RILPL1: variants seen among roughly 807,000 people sequenced by gnomAD.
RILPL1 encodes RILP-like protein 1.
In RILPL1, 33 loss-of-function variants were observed where a neutral mutation model predicts 50.3. That is an observed-to-expected ratio of 0.66 (90% confidence interval 0.50 to 0.88). The LOEUF is 0.88. Among genes scored for constraint, RILPL1 ranks in the 40% least tolerant of loss-of-function variants. The pLI, the probability that RILPL1 is intolerant of heterozygous loss-of-function variation, is 0.00. For missense variants in RILPL1, 418 were observed against 542.5 expected (o/e 0.77, Z 2.28); for synonymous variants, 205 against 228.6 (o/e 0.90, Z 0.93).
At position 123,491,706 on chromosome 12, in the gene RILPL1, C is replaced by T. The variant is rs1398000755; in HGVS notation, c.802-5901G>A. On this transcript the variant is annotated intron_variant, in intron 4 of 6. Coordinates refer to ENST00000376874, the MANE Select transcript of RILPL1 (RefSeq NM_178314.5). This position sits in a 1 kb window ranked among gnomAD's most constrained non-coding sequence, Gnocchi z 4.0. ...GCACTTTACAAAACAAAAACAAAAC[C>T]TGCTACGAAATCAAAACGTGTGGCT... Among the ~76,000 whole-genome samples the T allele has an allele frequency of 6.6e-6, 1 of 152,156 alleles. No homozygotes were observed. The highest frequency in any genetic ancestry group is 1.5e-5 in the Non-Finnish European group (1 of 68,032).
At chr12:123,507,953 GAAA>G (rs56309765) in intron 2 of RILPL1, among the ~76,000 whole-genome samples, 1 of 115,012 alleles carries the variant, frequency 8.7e-6, no homozygotes, top group East Asian at 2.5e-4. Context: ...AAAAAAAAAA[GAAA>G]AAAAAAAAAA....
rs752364537 is a variant in RILPL1 at position 123,484,262 on chromosome 12, C to G, written c.985G>C (p.Glu329Gln). ...GGTTGGGGTATTCGGTTTTCCTCTTCCATTTCTTCACTGGAAGGAGATGAG... is the reference window on the plus strand; with the variant it reads ...GGTTGGGGTATTCGGTTTTCCTCTTGCATTTCTTCACTGGAAGGAGATGAG... ...ELAYYKSEEM[E>Q]EENRIPQPPP... The change falls in exon 6 of 7, where the codon GAA becomes CAA. Residue 329 changes from glutamate to glutamine, a missense_variant. Physicochemically the swap from Glu to Gln is conservative, Grantham distance 29. Transcript: ENST00000376874. 1 of 1,607,360 alleles carries G rather than the reference C, an allele frequency of 6.2e-7. No individual in the cohort carries two copies. Among genetic ancestry groups the G allele is most frequent in the South Asian group, 1.1e-5 (1 of 90,936 alleles).
At chr12:123,505,619 T>C (rs1198130178) in intron 2 of RILPL1, among the ~76,000 whole-genome samples, 1 of 151,728 alleles carries the variant, frequency 6.6e-6, no homozygotes, top group African/African-American at 2.4e-5. Flanking sequence ...TGCCCGGCCA[T>C]CGAGTTTTTG....
In RILPL1 at chr12:123,533,226, C is replaced by T; in HGVS notation, c.257G>A (p.Arg86His). 6.3e-7 allele frequency: 1 copy of T among 1,592,054 alleles called. No individual in the cohort carries two copies. Among genetic ancestry groups the T allele is most frequent in the Non-Finnish European group, 8.5e-7 (1 of 1,175,384 alleles). ...ELDELRLELD[R>H]LRLERMDRIE... ...GCGGTCCATCCTCTCCAGGCGCAGG[C>T]GGTCCAGCTCCAGGCGCAGCTCGTC... Residue 86 changes from arginine to histidine, a missense_variant, in exon 1 of 7, where the codon CGC becomes CAC. By Grantham distance (29) the Arg-to-His change is conservative. Coordinates refer to ENST00000376874, the MANE Select transcript of RILPL1 (RefSeq NM_178314.5). This position sits in a 1 kb window ranked among gnomAD's most constrained non-coding sequence, Gnocchi z 6.2.
chr12:123,519,026 C>T (rs2139378184), intron 2 of RILPL1, among the ~76,000 whole-genome samples: 1 of 138,592 alleles, frequency 7.2e-6, no homozygotes, highest in South Asian at 2.2e-4. Context: ...CACTGCACTC[C>T]AGCCTAGGCG....
At chr12:123,511,626 G>GTGGT (rs1477383566) in intron 2 of RILPL1, among the ~76,000 whole-genome samples, 1 of 140,094 alleles carries the variant, frequency 7.1e-6, no homozygotes, top group African/African-American at 2.7e-5. Context: ...GTCTGTGTGT[G>GTGGT]GTGTGTGAGG....
At chr12:123,511,832 A>G (rs1379619449) in intron 2 of RILPL1, among the ~76,000 whole-genome samples, 3 of 59,158 alleles carry the variant, frequency 5.1e-5, no homozygotes, top group African/African-American at 1.5e-4. Context: ...TGTGTGTGAG[A>G]TCTGTATGTG....
intron 2 of RILPL1, among the ~76,000 whole-genome samples, chr12:123,500,875 C>T (rs1393907079): frequency 6.6e-6 from 1 of 151,454 alleles, no homozygotes; most frequent in Non-Finnish European, 1.5e-5. Flanking sequence ...GAGGCTGAGG[C>T]GGTTGGATCA....
rs1224546810 is a variant in RILPL1 at position 123,489,253 on chromosome 12, G to T, written c.802-3448C>A. ...ATAGAAGCTTAAGGCCAGGTGTGGTGGCTCACACCTGTAATCCCAGTACTT... is the reference window on the plus strand; with the variant it reads ...ATAGAAGCTTAAGGCCAGGTGTGGTTGCTCACACCTGTAATCCCAGTACTT... On this transcript the variant is annotated intron_variant, in intron 4 of 6. Transcript: ENST00000376874. This position sits in a 1 kb window ranked among gnomAD's most constrained non-coding sequence, Gnocchi z 4.0. Among the ~76,000 whole-genome samples the T allele has an allele frequency of 2.0e-5, 3 of 152,186 alleles. No individual in the cohort carries two copies. The highest frequency in any genetic ancestry group is 7.2e-5 in the African/African-American group (3 of 41,448).
intron 2 of RILPL1, among the ~76,000 whole-genome samples, chr12:123,512,685 GGT>G (rs1207482675): frequency 1.4e-5 from 2 of 140,664 alleles, no homozygotes; most frequent in Non-Finnish European, 3.1e-5. Context: ...GTCTGTGTGT[GGT>G]GTGTGAGGTT....
intron 4 of RILPL1, among the ~76,000 whole-genome samples, chr12:123,495,687 T>G (rs547860498): frequency 4.1e-5 from 6 of 145,638 alleles, no homozygotes; most frequent in East Asian, 2.0e-4. Flanking sequence ...GTTTTTTTTT[T>G]TTTTTTTTTT....
At chr12:123,502,588 C>T (rs1883465837) in intron 2 of RILPL1, among the ~76,000 whole-genome samples, 1 of 151,626 alleles carries the variant, frequency 6.6e-6, no homozygotes, top group Admixed American at 6.6e-5. Context: ...CCTAACTAGA[C>T]TGTCAGCCAC....
chr12:123,533,111 G>C lies in RILPL1; in HGVS notation c.309+63C>G, dbSNP rs560366458. 1.4e-6 allele frequency: 2 copies of C among 1,439,508 alleles called. No individual in the cohort carries two copies. Among genetic ancestry groups the C allele is most frequent in the Admixed American group, 2.2e-5 (1 of 46,056 alleles). The allele number at this position is 1,439,508 out of a possible 1,614,324, so 89.2% of individuals were successfully genotyped here. A position where few individuals can be genotyped will look rare whatever the true frequency, so the allele number is the denominator to read the frequency against. On this transcript the variant is annotated intron_variant, in intron 1 of 6. Coordinates refer to ENST00000376874, the MANE Select transcript of RILPL1 (RefSeq NM_178314.5). This position sits in a 1 kb window ranked among gnomAD's most constrained non-coding sequence, Gnocchi z 6.2. ...GTGCGCACCCACAGCTGCCCAATGC[G>C]GAAGAGCCCTTGGGTCCCCGCGGTC...
rs943781087 is a variant in RILPL1, at chr12:123,491,383, A to G, written c.802-5578T>C. 6.2e-4 allele frequency among the ~76,000 whole-genome samples: 95 copies of G among 152,314 alleles called. No individual in the cohort carries two copies. Among genetic ancestry groups the G allele is most frequent in the African/African-American group, 1.7e-3 (70 of 41,570 alleles). The stretch of plus-strand genomic sequence containing the variant: ...CCTCAGCTGCTTCCCAGGAAGGCCC[A>G]AGAGACCAACTAACAAGCCACGAGG... On this transcript the variant is annotated intron_variant, in intron 4 of 6. Transcript: ENST00000376874. The surrounding 1 kb of genome is among the most constrained non-coding windows in gnomAD (Gnocchi z 4.0).
At position 123,470,743 on chromosome 12, in the gene RILPL1, C is replaced by T. The variant is rs1315113274; in HGVS notation, c.*1795G>A. The T allele has an allele frequency of 6.6e-6, 1 of 152,068 alleles. No individual in the cohort carries two copies. The highest frequency in any genetic ancestry group is 1.9e-4 in the East Asian group (1 of 5,192). 9.4% of individuals were successfully genotyped at this position (152,068 alleles called of 1,614,324 possible). ...AAGTTGCAGTGAGCAGAGATGGTGC[C>T]ACTATACTTTGGCTTGGGCAATAGA... On this transcript the variant is annotated 3_prime_UTR_variant, in exon 7 of 7. Coordinates refer to ENST00000376874, the MANE Select transcript of RILPL1 (RefSeq NM_178314.5).
At chr12:123,477,623 C>A (rs1020471302) in intron 6 of RILPL1, among the ~76,000 whole-genome samples, 1 of 152,020 alleles carries the variant, frequency 6.6e-6, no homozygotes, top group African/African-American at 2.4e-5. Flanking sequence ...AACCACCACG[C>A]CTGGCCAGGA....
chr12:123,513,522 A>T (rs892452690), intron 2 of RILPL1: 2 of 205,022 alleles, frequency 9.8e-6, no homozygotes, highest in African/African-American at 4.7e-5. Flanking sequence ...CTGGCGCCTG[A>T]CTCCTATCCC....
chr12:123,510,491 ATGTGTGTGTGTAGTGTGTGAGGTC>A (rs1289535111), intron 2 of RILPL1, among the ~76,000 whole-genome samples: 1 of 82,952 alleles, frequency 1.2e-5, no homozygotes, highest in Non-Finnish European at 2.3e-5. Context: ...TATGTGTGTG[ATGTGTGTGTGTAGTGTGTGAGGTC>A]TGTGTATGGT....
chr12:123,478,629 C>A (rs1380811976), intron 6 of RILPL1, among the ~76,000 whole-genome samples: 3 of 152,070 alleles, frequency 2.0e-5, no homozygotes, highest in Non-Finnish European at 4.4e-5. Context: ...CATTGCTACC[C>A]CTGGACACCT....
Sources: allele counts gnomAD v4.1 joint callset (sites outside exome capture counted in the v4.1 genomes callset), GRCh38; gene constraint gnomAD v4.1.1; non-coding constraint Gnocchi (gnomAD v3.1); transcripts MANE v1.5; gene names NCBI Gene and HGNC (gene_info 2026-07-23, HGNC 2026-07-21).